The following LANCL3 variants were observed in gnomAD, a reference collection of about 807,000 sequenced individuals.
LANCL3 encodes the protein lanC-like protein 3.
LANCL3 carries 19 observed loss-of-function variants against 26.5 expected under a neutral mutation model. That is an observed-to-expected ratio of 0.72 (90% confidence interval 0.50 to 1.05). LANCL3 has a LOEUF of 1.05. Ranked by LOEUF, LANCL3 falls within the 50% of genes least tolerant of loss-of-function variation. The pLI is 0.00. For missense variants in LANCL3, 318 were observed against 362.7 expected (o/e 0.88, Z 1.00); for synonymous variants, 160 against 166.6 (o/e 0.96, Z 0.30).
At position 37,633,166 on chromosome X, in the gene LANCL3, C is replaced by A. The variant is rs868936488; in HGVS notation, c.574-22522C>A. 4.9e-5 allele frequency among the ~76,000 whole-genome samples: 5 copies of A among 101,204 alleles called. No individual in the cohort carries two copies. The Admixed American group carries it at 5.3e-4, about 11-fold the overall frequency. 87.9% of individuals were successfully genotyped at this position (101,204 alleles called of 115,157 possible). On this transcript the variant is annotated intron_variant, in intron 1 of 4. Transcript: ENST00000378619. ...CTTTGTTCGTTTTTTTTTTTTTATT[C>A]TTTTTTCTCTAAACTTCCCTTCTCA...
Position 37,629,881 on chromosome X carries a change from G to T in LANCL3, c.574-25807G>T, listed in dbSNP as rs1398772682. On this transcript the variant is annotated intron_variant, in intron 1 of 4. Coordinates refer to ENST00000378619, the MANE Select transcript of LANCL3 (RefSeq NM_001170331.2). ...GTAGTATAGTTTGAAGTCAGGTAGC[G>T]TGATGCCTCCAGCTTTGTTCTTTTG... Among the ~76,000 whole-genome samples the T allele has an allele frequency of 2.7e-5, 3 of 110,959 alleles. No homozygotes were observed. The Admixed American group carries it at 2.9e-4, about 11-fold the overall frequency.
At chrX:37,655,354 T>C (rs973272901) in intron 1 of LANCL3, among the ~76,000 whole-genome samples, 2 of 111,980 alleles carry the variant, frequency 1.8e-5, no homozygotes, top group African/African-American at 6.5e-5. Flanking sequence ...TTAGGACCAC[T>C]ATTTGTTCTT....
At chrX:37,641,085 AG>A (rs1556425875) in intron 1 of LANCL3, among the ~76,000 whole-genome samples, 1 of 111,209 alleles carries the variant, frequency 9.0e-6, no homozygotes. Flanking sequence ...GCTCTCCTAA[AG>A]ATTACTGGTT....
chrX:37,667,273 T>G lies in LANCL3; in HGVS notation c.896-9T>G, dbSNP rs981703651. On this transcript the variant is annotated splice_polypyrimidine_tract_variant and intron_variant, in intron 3 of 4. Coordinates refer to ENST00000378619, the MANE Select transcript of LANCL3 (RefSeq NM_001170331.2). The stretch of plus-strand genomic sequence containing the variant: ...AAAGTCACCTCTAATATCTTTGATG[T>G]TTTCACAGGAATTGCCTATCTGTTT... The G allele has an allele frequency of 2.8e-6, 3 of 1,081,951 alleles. No homozygotes were observed. The African/African-American group carries it at 5.8e-5, about 21-fold the overall frequency. The allele number at this position is 1,081,951 out of a possible 1,213,427, so 89.2% of individuals were successfully genotyped here.
chrX:37,606,206 G>C (rs113505927), intron 1 of LANCL3, among the ~76,000 whole-genome samples: 132 of 111,939 alleles, frequency 1.2e-3, no homozygotes, highest in Middle Eastern at 4.6e-3. Context: ...TTGTCTACCA[G>C]AGCATTCTAT....
chrX:37,647,294 A>G (rs1926011507), intron 1 of LANCL3, among the ~76,000 whole-genome samples: 1 of 103,164 alleles, frequency 9.7e-6, no homozygotes, highest in Non-Finnish European at 1.9e-5. Flanking sequence ...AGCCTGGGCG[A>G]CAGGGCAAGA....
chrX:37,601,270 T>C (rs920367801), intron 1 of LANCL3, among the ~76,000 whole-genome samples: 12 of 111,729 alleles, frequency 1.1e-4, no homozygotes, highest in African/African-American at 3.9e-4. Flanking sequence ...TGATCAGTTG[T>C]GCATGGGATG....
intron 1 of LANCL3, among the ~76,000 whole-genome samples, chrX:37,586,395 C>A (rs1404693401): frequency 1.8e-5 from 2 of 111,911 alleles, no homozygotes; most frequent in Non-Finnish European, 3.8e-5. Flanking sequence ...AGAGTGTTTT[C>A]CAGCTTGGTT....
chrX:37,633,060 G>A (rs1925582066), intron 1 of LANCL3, among the ~76,000 whole-genome samples: 1 of 111,259 alleles, frequency 9.0e-6, no homozygotes, highest in African/African-American at 3.3e-5. Flanking sequence ...TTCCAACTTG[G>A]TTCCATTCTC....
intron 1 of LANCL3, among the ~76,000 whole-genome samples, chrX:37,591,160 A>C (rs1399565073): frequency 9.3e-6 from 1 of 107,477 alleles, no homozygotes; most frequent in African/African-American, 3.8e-5. Context: ...CTTGCCTATC[A>C]TCACACAGCT....
chrX:37,644,413 A>T (rs1279545610), intron 1 of LANCL3, among the ~76,000 whole-genome samples: 4 of 112,021 alleles, frequency 3.6e-5, no homozygotes, highest in Non-Finnish European at 5.6e-5. Context: ...AGATGAAGAA[A>T]TGGAGGTCTG....
intron 4 of LANCL3, among the ~76,000 whole-genome samples, chrX:37,671,306 G>A (rs1227080836): frequency 1.8e-5 from 2 of 110,674 alleles, no homozygotes; most frequent in Non-Finnish European, 3.8e-5. Context: ...ATAATAAGAG[G>A]GATAGTAAAC....
rs1927004607 is a variant in LANCL3 at position 37,684,273 on chromosome X, T to C, written c.*8460T>C. On this transcript the variant is annotated 3_prime_UTR_variant, in exon 5 of 5. Transcript: ENST00000378619. ...TGTTACAATGTTCTAAACACTGTGA[T>C]CTTTCCAAATGTGTTTTCTGTATTC... 8.9e-6 allele frequency: 1 copy of C among 112,685 alleles called. No individual in the cohort carries two copies. The highest frequency in any genetic ancestry group is 3.2e-5 in the African/African-American group (1 of 30,987). 9.3% of individuals were successfully genotyped at this position (112,685 alleles called of 1,213,427 possible).
chrX:37,665,636 A>T (rs1275474900), intron 3 of LANCL3, among the ~76,000 whole-genome samples: 2 of 112,049 alleles, frequency 1.8e-5, no homozygotes, highest in African/African-American at 3.2e-5. Context: ...GAAGGGTAGG[A>T]GTCATGTTTA....
At chrX:37,574,200 A>G (rs1556416114) in intron 1 of LANCL3, among the ~76,000 whole-genome samples, 1 of 110,924 alleles carries the variant, frequency 9.0e-6, no homozygotes, top group East Asian at 2.8e-4. Context: ...GCAGGGGCTA[A>G]GCATGCCAGG....
At chrX:37,632,437 C>G (rs1486481915) in intron 1 of LANCL3, among the ~76,000 whole-genome samples, 22 of 110,968 alleles carry the variant, frequency 2.0e-4, no homozygotes, top group African/African-American at 7.0e-4. Flanking sequence ...TTAATTGGAG[C>G]ATTTAGTCCA....
At chrX:37,655,377 C>T (rs1028824630) in intron 1 of LANCL3, among the ~76,000 whole-genome samples, 10 of 111,849 alleles carry the variant, frequency 8.9e-5, no homozygotes, top group Non-Finnish European at 1.7e-4. Context: ...CTGAGCAAAT[C>T]CTTGTTCCTG....
intron 1 of LANCL3, among the ~76,000 whole-genome samples, chrX:37,654,039 T>C (rs1295020476): frequency 1.8e-5 from 2 of 112,157 alleles, no homozygotes; most frequent in East Asian, 5.6e-4. Context: ...GACTCTTGTC[T>C]ATATCTCATC....
chrX:37,651,451 T>G (rs1926141052), intron 1 of LANCL3, among the ~76,000 whole-genome samples: 1 of 112,552 alleles, frequency 8.9e-6, no homozygotes, highest in Non-Finnish European at 1.9e-5. Flanking sequence ...TTATTCTTTA[T>G]AGTTAAGTTT....
Sources: gnomAD v4.1 joint callset for allele counts (sites outside exome capture counted in the v4.1 genomes callset) on GRCh38, gnomAD v4.1.1 for gene constraint, MANE v1.5 for transcripts, NCBI Gene and HGNC (gene_info 2026-07-23, HGNC 2026-07-21) for gene names.